PPFIBP1: variants seen among roughly 807,000 people sequenced by gnomAD.
PPFIBP1 encodes PPFIB scaffold protein 1.
PPFIBP1 carries 112 observed loss-of-function variants against 137.8 expected under a neutral mutation model. That is an observed-to-expected ratio of 0.81 (90% CI 0.70 to 0.95). The LOEUF is 0.95. PPFIBP1 is among the 40% of genes least tolerant of loss of function. The pLI is 0.00. For missense variants in PPFIBP1, 1,083 were observed against 1,196.6 expected, an observed-to-expected ratio of 0.91 and a Z score of 1.40; for synonymous variants, 378 against 417.3, an observed-to-expected ratio of 0.91 and a Z score of 1.15.
intron 2 of PPFIBP1, among the ~76,000 whole-genome samples, chr12:27,626,695 T>C (rs2056847702): frequency 6.6e-6 from 1 of 152,124 alleles, no homozygotes; most frequent in African/African-American, 2.4e-5. Context: ...GCATCTCCAG[T>C]AGCTGGGACT....
At chr12:27,676,759 T>A in intron 18 of PPFIBP1, 160 bp downstream of exon 18, 1 of 736,154 alleles carries the variant, frequency 1.4e-6, no homozygotes, top group Non-Finnish European at 2.2e-6. Flanking sequence ...TCCGTGGATT[T>A]AATTTAGTGT....
At chr12:27,545,220 T>C (rs1592359731) in intron 1 of PPFIBP1, among the ~76,000 whole-genome samples, 2 of 151,374 alleles carry the variant, frequency 1.3e-5, no homozygotes, top group African/African-American at 4.9e-5. Context: ...ACATCACACA[T>C]TGGGGCCTGT....
At chr12:27,612,231 T>C (rs1220431429) in intron 2 of PPFIBP1, among the ~76,000 whole-genome samples, 1 of 151,972 alleles carries the variant, frequency 6.6e-6, no homozygotes, top group Non-Finnish European at 1.5e-5. Context: ...TCTGGGCCTT[T>C]CCCAGTTTCT....
At chr12:27,594,612 C>A (rs1049579897) in intron 2 of PPFIBP1, among the ~76,000 whole-genome samples, 23 of 152,334 alleles carry the variant, frequency 1.5e-4, no homozygotes, top group African/African-American at 5.1e-4. Flanking sequence ...ATCCTCTCTA[C>A]TAAGCATCTC....
intron 1 of PPFIBP1, among the ~76,000 whole-genome samples, chr12:27,559,858 T>C (rs1338004461): frequency 3.3e-5 from 5 of 152,210 alleles, no homozygotes; most frequent in South Asian, 4.1e-4. Context: ...ATAAATGTAA[T>C]TGGGGTAAGT....
In PPFIBP1 at chr12:27,593,761, T is replaced by C. The variant is rs577355003; in HGVS notation, c.-36+15522T>C. ...TCTGTGTTGTCAGAGCCAACGTCCA[T>C]GTCCCAGGCCAGGAAGATGTTCAGT... On this transcript the variant is annotated intron_variant, in intron 2 of 29. Transcript: ENST00000228425. The C allele has an allele frequency of 6.1e-5, 45 of 735,916 alleles. No individual in the cohort carries two copies. The African/African-American group carries it at 6.2e-4, about 10-fold the overall frequency. 45.6% of individuals were successfully genotyped at this position (735,916 alleles called of 1,614,324 possible).
chr12:27,686,353 T>G (rs1314035813), intron 24 of PPFIBP1, among the ~76,000 whole-genome samples: 1 of 152,206 alleles, frequency 6.6e-6, no homozygotes, highest in Admixed American at 6.5e-5. Flanking sequence ...AAGTAGACTG[T>G]TGCTTATCTT....
chr12:27,681,323 G>A (rs1412798567), intron 21 of PPFIBP1, among the ~76,000 whole-genome samples: 2 of 152,120 alleles, frequency 1.3e-5, no homozygotes, highest in African/African-American at 4.8e-5. Flanking sequence ...GCTCTATCAC[G>A]TTAAATCTTT....
intron 2 of PPFIBP1, among the ~76,000 whole-genome samples, chr12:27,610,410 A>G (rs2054972210): frequency 6.6e-6 from 1 of 152,158 alleles, no homozygotes; most frequent in South Asian, 2.1e-4. Context: ...TGTGATTTAC[A>G]ACCCAGAATG....
chr12:27,647,062 C>T (rs2058555314), intron 5 of PPFIBP1, among the ~76,000 whole-genome samples: 1 of 152,204 alleles, frequency 6.6e-6, no homozygotes, highest in Non-Finnish European at 1.5e-5. Context: ...AGTGCAGTGG[C>T]ACAATCTTGG....
intron 10 of PPFIBP1, 47 bp from the exon 11 acceptor site, chr12:27,660,835 CTG>C (rs2059501084): frequency 6.3e-7 from 1 of 1,591,714 alleles, no homozygotes; most frequent in South Asian, 1.2e-5. Context: ...CTTCTTATCA[CTG>C]TCACACATGT....
chr12:27,532,185 GACAA>G (rs1944491639), intron 1 of PPFIBP1, among the ~76,000 whole-genome samples: 1 of 152,322 alleles, frequency 6.6e-6, no homozygotes, highest in South Asian at 2.1e-4. Flanking sequence ...GAGACGGAAA[GACAA>G]ACAAAACATG....
Position 27,635,016 on chromosome 12 carries a change from A to G in PPFIBP1, c.171A>G (p.Gly57=). Reference sequence around the variant, plus strand: ...TGCACCTTGTGGAAGACCTGCGTGGATTGTTAGAGATGATGGAAACAGATG... The same window carrying G: ...TGCACCTTGTGGAAGACCTGCGTGGGTTGTTAGAGATGATGGAAACAGATG... The part of the protein sequence containing the change: ...RALHLVEDLR[G]LLEMMETDEK... The change falls in exon 4 of 30, where the codon GGA becomes GGG. Residue 57 remains glycine, a synonymous_variant. Coordinates refer to ENST00000228425, the MANE Select transcript of PPFIBP1 (RefSeq NM_003622.4). 2 of 1,614,174 alleles carry G rather than the reference A, an allele frequency of 1.2e-6. No individual in the cohort carries two copies. The highest frequency in any genetic ancestry group is 1.7e-6 in the Non-Finnish European group (2 of 1,180,000).
chr12:27,599,182 T>A (rs915301652), intron 2 of PPFIBP1, among the ~76,000 whole-genome samples: 7 of 152,216 alleles, frequency 4.6e-5, no homozygotes, highest in African/African-American at 1.7e-4. Flanking sequence ...ATTCTGGAGG[T>A]GTCCTTGAGG....
In PPFIBP1 at chr12:27,656,666, A is replaced by G; in HGVS notation, c.747A>G (p.Val249=). Residue 249 remains valine, a synonymous_variant, in exon 9 of 30, where the codon GTA becomes GTG. Coordinates refer to ENST00000228425, the MANE Select transcript of PPFIBP1 (RefSeq NM_003622.4). ...AACTAGAAGAAAAGGAATCTGAAGT[A>G]AAAAGGCTACAAGAAAAATTGGTTT... The part of the protein sequence containing the change: ...KEQLEEKESE[V]KRLQEKLVCK... 1 of 1,612,908 alleles carries G rather than the reference A, an allele frequency of 6.2e-7. No homozygotes were observed. Among genetic ancestry groups the G allele is most frequent in the Non-Finnish European group, 8.5e-7 (1 of 1,179,052 alleles).
In PPFIBP1 at chr12:27,654,790, T is replaced by C; in HGVS notation, c.672T>C (p.Tyr224=). The change falls in exon 8 of 30, where the codon TAT becomes TAC. Residue 224 remains tyrosine, a synonymous_variant. Coordinates refer to ENST00000228425, the MANE Select transcript of PPFIBP1 (RefSeq NM_003622.4). ...AAATGGACAGTGAGAGACTTCAGTA[T>C]GAAAAAAAGCTTAAATCAACCAAAG... is the stretch of plus-strand genomic sequence containing the variant. The part of the protein sequence containing the change: ...VSEMDSERLQ[Y]EKKLKSTKDE... The C allele has an allele frequency of 1.2e-6, 2 of 1,612,086 alleles. No individual in the cohort carries two copies. The highest frequency in any genetic ancestry group is 4.5e-5 in the East Asian group (2 of 44,750).
chr12:27,552,095 T>C (rs1946840895), intron 1 of PPFIBP1, among the ~76,000 whole-genome samples: 1 of 152,242 alleles, frequency 6.6e-6, no homozygotes, highest in African/African-American at 2.4e-5. Context: ...ACATTTCTAA[T>C]GAATTCTCAC....
chr12:27,598,399 C>A (rs2053564296), intron 2 of PPFIBP1, among the ~76,000 whole-genome samples: 1 of 152,164 alleles, frequency 6.6e-6, no homozygotes, highest in South Asian at 2.1e-4. Flanking sequence ...GTCATGAGAA[C>A]AGCGTGGGAA....
Position 27,691,746 on chromosome 12 carries a change from A to T in PPFIBP1, c.2686-3A>T. ...GATGTTTTTGTTTGCTTTTCTTTTAAAGCCAAAGAAACTTGCCTTTAGCAA... is the reference window on the plus strand; with the variant it reads ...GATGTTTTTGTTTGCTTTTCTTTTATAGCCAAAGAAACTTGCCTTTAGCAA... On this transcript the variant is annotated splice_region_variant and splice_polypyrimidine_tract_variant and intron_variant, in intron 27 of 29. Coordinates refer to ENST00000228425, the MANE Select transcript of PPFIBP1 (RefSeq NM_003622.4). 8.1e-6 allele frequency: 13 copies of T among 1,602,606 alleles called. No individual in the cohort carries two copies. Among genetic ancestry groups the T allele is most frequent in the Non-Finnish European group, 1.1e-5 (13 of 1,174,358 alleles).
Sources: gnomAD v4.1 joint callset for allele counts (sites outside exome capture counted in the v4.1 genomes callset) on GRCh38, gnomAD v4.1.1 for gene constraint, MANE v1.5 for transcripts, NCBI Gene and HGNC (gene_info 2026-07-23, HGNC 2026-07-21) for gene names.